Variants in ABCA13 observed in about 807,000 individuals in gnomAD.
The protein encoded by ABCA13 is ATP binding cassette subfamily A member 13.
In ABCA13, 476 loss-of-function variants were observed where a neutral mutation model predicts 478.7. The ratio of observed to expected loss-of-function variants is 0.99; its 90% CI spans 0.92 to 1.07. The LOEUF is 1.07. Ranked by LOEUF, ABCA13 falls within the 50% of genes least tolerant of loss-of-function variation. The pLI, the probability that ABCA13 is intolerant of heterozygous loss-of-function variation, is 0.00. For missense variants in ABCA13, 6,060 were observed against 5,910.6 expected, an observed-to-expected ratio of 1.03 and a Z score of -0.83; for synonymous variants, 2,252 against 2,158.9, an observed-to-expected ratio of 1.04 and a Z score of -1.20.
At chr7:48,590,875 C>T (rs1014363145) in intron 57 of ABCA13, among the ~76,000 whole-genome samples, 4 of 151,698 alleles carry the variant, frequency 2.6e-5, no homozygotes, top group African/African-American at 9.7e-5. Flanking sequence ...AGGATGTAAC[C>T]CCTTATTGGA....
At chr7:48,443,403 G>A (rs35952216) in intron 42 of ABCA13, among the ~76,000 whole-genome samples, 5,008 of 152,198 alleles carry the variant, frequency 0.033, 134 homozygotes, top group South Asian at 0.13. Flanking sequence ...GTAAAAGCTG[G>A]CCCCCACGGG....
chr7:48,398,229 AC>A (rs1817117075), intron 38 of ABCA13, among the ~76,000 whole-genome samples: 1 of 152,200 alleles, frequency 6.6e-6, no homozygotes, highest in Non-Finnish European at 1.5e-5. Context: ...AAATGCATCT[AC>A]CCTAGACCAC....
At chr7:48,356,742 T>C (rs1809988195) in intron 31 of ABCA13, among the ~76,000 whole-genome samples, 1 of 151,974 alleles carries the variant, frequency 6.6e-6, no homozygotes, top group South Asian at 2.1e-4. Context: ...GCAGCAGTTT[T>C]TGAAATTGCA....
chr7:48,298,555 T>C lies in ABCA13; in HGVS notation c.9321+68T>C, dbSNP rs1040763424. ...AGCCTTAGCCTGAAGTCACTGGCAC[T>C]GTGTTGTCCTTTCTTCCTTCTTGCC... On this transcript the variant is annotated intron_variant, in intron 23 of 61. Transcript: ENST00000435803. The C allele has an allele frequency of 1.2e-5, 19 of 1,526,256 alleles. No homozygotes were observed. In the African/African-American group the frequency reaches 1.2e-4, roughly 10 times the overall value. The allele number at this position is 1,526,256 out of a possible 1,614,324, so 94.5% of individuals were successfully genotyped here.
At chr7:48,186,618 C>T (rs1015205943) in intron 1 of ABCA13, among the ~76,000 whole-genome samples, 1 of 151,918 alleles carries the variant, frequency 6.6e-6, no homozygotes, top group Non-Finnish European at 1.5e-5. Flanking sequence ...TTAAATATAG[C>T]CACTCCTACT....
intron 41 of ABCA13, among the ~76,000 whole-genome samples, chr7:48,426,715 G>A (rs1821473427): frequency 6.6e-6 from 1 of 152,164 alleles, no homozygotes; most frequent in Non-Finnish European, 1.5e-5. Context: ...AAGGGAGAGA[G>A]TGGCAATGCA....
chr7:48,630,154 TTTATTAA>T (rs1794047942), intron 59 of ABCA13, among the ~76,000 whole-genome samples: 1 of 152,134 alleles, frequency 6.6e-6, no homozygotes, highest in South Asian at 2.1e-4. Flanking sequence ...TAAAATGTCT[TTTATTAA>T]TTTTTAAAAA....
chr7:48,580,858 A>T (rs1788638263), intron 56 of ABCA13, among the ~76,000 whole-genome samples: 1 of 151,988 alleles, frequency 6.6e-6, no homozygotes, highest in South Asian at 2.1e-4. Flanking sequence ...CTGCCAGGGG[A>T]TTCCTTTCTG....
intron 41 of ABCA13, among the ~76,000 whole-genome samples, chr7:48,421,199 C>T (rs985724819): frequency 1.9e-4 from 21 of 108,172 alleles, no homozygotes; most frequent in Non-Finnish European, 3.7e-4. Flanking sequence ...CCTTTTCTCT[C>T]TCTTTTTTTT....
intron 26 of ABCA13, among the ~76,000 whole-genome samples, chr7:48,315,454 G>A (rs1802434862): frequency 6.6e-6 from 1 of 151,924 alleles, no homozygotes; most frequent in African/African-American, 2.4e-5. Flanking sequence ...TATAATTAAT[G>A]GCTTAAAAAT....
chr7:48,481,545 A>C (rs1828759128), intron 46 of ABCA13, among the ~76,000 whole-genome samples: 1 of 152,348 alleles, frequency 6.6e-6, no homozygotes, highest in East Asian at 1.9e-4. Context: ...AAGCTGTTTT[A>C]CTGCTTTAGG....
chr7:48,630,236 G>A (rs973779698), intron 59 of ABCA13, among the ~76,000 whole-genome samples: 2 of 151,960 alleles, frequency 1.3e-5, no homozygotes, highest in Non-Finnish European at 2.9e-5. Context: ...ATGGGGGTTT[G>A]GTGTACACGT....
intron 59 of ABCA13, among the ~76,000 whole-genome samples, chr7:48,641,107 G>T (rs972488411): frequency 6.6e-6 from 1 of 152,066 alleles, no homozygotes; most frequent in Non-Finnish European, 1.5e-5. Flanking sequence ...TGCTTATAGA[G>T]AATTTATTAG....
At chr7:48,615,398 T>C in intron 59 of ABCA13, 21 bp downstream of exon 59, 1 of 1,544,758 alleles carries the variant, frequency 6.5e-7, no homozygotes, top group African/African-American at 1.4e-5. Flanking sequence ...GTTCTCCTTT[T>C]GCTTAGATAT....
intron 55 of ABCA13, among the ~76,000 whole-genome samples, chr7:48,558,089 C>G (rs1272488663): frequency 6.6e-6 from 1 of 150,986 alleles, no homozygotes; most frequent in Non-Finnish European, 1.5e-5. Flanking sequence ...TGTTAAGAGG[C>G]TCTGATGCAT....
At position 48,645,464 on chromosome 7, in the gene ABCA13, T is replaced by C; in HGVS notation, c.15129T>C (p.Thr5043=). 6.3e-7 allele frequency: 1 copy of C among 1,588,964 alleles called. No individual in the cohort carries two copies. Among genetic ancestry groups the C allele is most frequent in the East Asian group, 2.3e-5 (1 of 44,170 alleles). ...AGCAGCAGCAAACTCTACAATCTAC[T>C]CTTGATCCATCCACTGACAGTCACC... ...ASEQQQTLQS[T]LDPSTDSHHT... Residue 5043 remains threonine (T), a synonymous_variant, in exon 62 of 62, where the codon ACT becomes ACC. Coordinates refer to ENST00000435803, the MANE Select transcript of ABCA13 (RefSeq NM_152701.5).
intron 55 of ABCA13, 93 bp from the exon 56 acceptor site, chr7:48,580,131 A>G (rs1788569556): frequency 2.4e-6 from 3 of 1,275,938 alleles, no homozygotes; most frequent in South Asian, 1.6e-5. Context: ...AATAAACTGC[A>G]GTGGACTTGT....
At chr7:48,380,661 A>T (rs1338791506) in intron 35 of ABCA13, among the ~76,000 whole-genome samples, 2 of 152,186 alleles carry the variant, frequency 1.3e-5, no homozygotes, top group Non-Finnish European at 2.9e-5. Flanking sequence ...GCATCTGCAC[A>T]CTAAAGGCAA....
chr7:48,376,429 T>A lies in ABCA13; in HGVS notation c.11204-12T>A. 1 of 1,611,984 alleles carries A rather than the reference T, an allele frequency of 6.2e-7. No individual in the cohort carries two copies. The highest frequency in any genetic ancestry group is 8.5e-7 in the Non-Finnish European group (1 of 1,179,100). On this transcript the variant is annotated splice_polypyrimidine_tract_variant and intron_variant, in intron 34 of 61. Coordinates refer to ENST00000435803, the MANE Select transcript of ABCA13 (RefSeq NM_152701.5). Reference sequence around the variant, plus strand: ...TGTGCAGTTCTAACTCTGACCTTTTTCTTCCTGCTAGGGATTCAATGGAAT... The same window carrying A: ...TGTGCAGTTCTAACTCTGACCTTTTACTTCCTGCTAGGGATTCAATGGAAT...
Sources: allele counts gnomAD v4.1 joint callset (sites outside exome capture counted in the v4.1 genomes callset), GRCh38; gene constraint gnomAD v4.1.1; transcripts MANE v1.5; gene names NCBI Gene and HGNC (gene_info 2026-07-23, HGNC 2026-07-21).